ONECUT2: variants seen among roughly 807,000 people sequenced by gnomAD.
ONECUT2 encodes one cut domain family member 2.
Under a neutral mutation model 27.9 loss-of-function variants are expected in ONECUT2, and 10 were observed. The ratio of observed to expected loss-of-function variants is 0.36; its 90% CI spans 0.22 to 0.61. The LOEUF (loss-of-function observed/expected upper bound fraction) is 0.61. ONECUT2 is among the 20% of genes least tolerant of loss of function. The pLI, the probability that ONECUT2 is intolerant of heterozygous loss-of-function variation, is 0.73. For missense variants in ONECUT2, 686 were observed against 721.0 expected (o/e 0.95, Z 0.56); for synonymous variants, 334 against 315.1 (o/e 1.06, Z -0.64).
chr18:57,436,987 G>A lies in ONECUT2; in HGVS notation c.1228+43G>A. The A allele has an allele frequency of 6.6e-7, 1 of 1,524,610 alleles. No homozygotes were observed. 94.4% of individuals were successfully genotyped at this position (1,524,610 alleles called of 1,614,324 possible). Reference sequence around the variant, plus strand: ...CAGGGGCCAGGCTGCTGGGAAGAGGGCTCCGGGTCCGGTGCTTGTGGCCCA... The same window carrying A: ...CAGGGGCCAGGCTGCTGGGAAGAGGACTCCGGGTCCGGTGCTTGTGGCCCA... On this transcript the variant is annotated intron_variant, in intron 1 of 1. Transcript: ENST00000491143. The surrounding 1 kb of genome is among the most constrained non-coding windows in gnomAD (Gnocchi z 5.9).
At chr18:57,438,149 C>T (rs2050153778) in intron 1 of ONECUT2, among the ~76,000 whole-genome samples, 1 of 152,248 alleles carries the variant, frequency 6.6e-6, no homozygotes, top group South Asian at 2.1e-4. Context: ...CACGCAGTTG[C>T]GCGCTTTTGT....
chr18:57,490,347 ATG>A lies in ONECUT2; in HGVS notation c.*13628_*13629del, dbSNP rs1359016217. The A allele has an allele frequency of 2.6e-5, 4 of 152,144 alleles. No homozygotes were observed. Among genetic ancestry groups the A allele is most frequent in the African/African-American group, 9.7e-5 (4 of 41,430 alleles). The allele number at this position is 152,144 out of a possible 1,614,324, so 9.4% of individuals were successfully genotyped here. A position where few individuals can be genotyped will look rare whatever the true frequency, so the allele number is the denominator to read the frequency against. ...TTCTCACTTTAGACCCTGGCCTCAG[ATG>A]TGTTTATTCTTGCTATTTAAAAATA... On this transcript the variant is annotated 3_prime_UTR_variant, in exon 2 of 2. Coordinates refer to ENST00000491143, the MANE Select transcript of ONECUT2 (RefSeq NM_004852.3).
In ONECUT2 at chr18:57,448,392, C is replaced by T. The variant is rs550830645; in HGVS notation, c.1228+11448C>T. ...TTGTGTAAAAGGAGGGAAAATCCAT[C>T]CCAAAACAAAACAAACCTGGTAGAG... On this transcript the variant is annotated intron_variant, in intron 1 of 1. Transcript: ENST00000491143. 7.2e-5 allele frequency among the ~76,000 whole-genome samples: 11 copies of T among 152,212 alleles called. No homozygotes were observed. The South Asian group carries it at 2.3e-3, about 32-fold the overall frequency.
At chr18:57,464,755 A>C (rs2050311538) in intron 1 of ONECUT2, among the ~76,000 whole-genome samples, 1 of 152,224 alleles carries the variant, frequency 6.6e-6, no homozygotes, top group South Asian at 2.1e-4. Context: ...GGTGCTCTTC[A>C]TTCATGTAAT....
intron 1 of ONECUT2, among the ~76,000 whole-genome samples, chr18:57,446,340 T>A (rs1368279210): frequency 6.6e-6 from 1 of 152,224 alleles, no homozygotes; most frequent in Non-Finnish European, 1.5e-5. Flanking sequence ...TATGTTCTCT[T>A]CATTACTGTG....
chr18:57,454,180 A>C (rs2050246237), intron 1 of ONECUT2, among the ~76,000 whole-genome samples: 1 of 152,196 alleles, frequency 6.6e-6, no homozygotes, highest in Non-Finnish European at 1.5e-5. Flanking sequence ...TCTAAATAAC[A>C]ATAGGTACAT....
intron 1 of ONECUT2, among the ~76,000 whole-genome samples, chr18:57,463,307 T>G (rs2050303266): frequency 6.6e-6 from 1 of 152,350 alleles, no homozygotes; most frequent in Admixed American, 6.5e-5. Flanking sequence ...TTGTATGTCC[T>G]TGCTGCAGTA....
chr18:57,444,280 T>C (rs2050190430), intron 1 of ONECUT2: 1 of 449,396 alleles, frequency 2.2e-6, no homozygotes, highest in African/African-American at 2.0e-5. Flanking sequence ...GGAAACTAGG[T>C]TGACTGGCTC....
At chr18:57,456,348 AG>A (rs2050259472) in intron 1 of ONECUT2, among the ~76,000 whole-genome samples, 1 of 152,226 alleles carries the variant, frequency 6.6e-6, no homozygotes, top group Non-Finnish European at 1.5e-5. Context: ...CAGTTCATCA[AG>A]AGGTGAATGG....
chr18:57,461,018 T>C (rs1472241046), intron 1 of ONECUT2, among the ~76,000 whole-genome samples: 1 of 152,220 alleles, frequency 6.6e-6, no homozygotes. Context: ...CAAGTAAAAA[T>C]AAGTTTTAGT....
chr18:57,449,494 G>A (rs1213337033), intron 1 of ONECUT2, among the ~76,000 whole-genome samples: 2 of 152,084 alleles, frequency 1.3e-5, no homozygotes, highest in African/African-American at 2.4e-5. Context: ...CCCAAATTAC[G>A]ATATTATAAC....
intron 1 of ONECUT2, among the ~76,000 whole-genome samples, chr18:57,440,300 A>G (rs367910794): frequency 4.7e-4 from 71 of 152,312 alleles, no homozygotes; most frequent in East Asian, 3.9e-3. Context: ...CCTCTAAACC[A>G]AGCACAAACA....
chr18:57,478,979 G>A lies in ONECUT2; in HGVS notation c.*2256G>A, dbSNP rs1256620870. ...TCTCAAAAGTTTCCATGGACTCCAA[G>A]TTTAAGATGTTGGGATATTGAACAG... On this transcript the variant is annotated 3_prime_UTR_variant, in exon 2 of 2. Coordinates refer to ENST00000491143, the MANE Select transcript of ONECUT2 (RefSeq NM_004852.3). The A allele has an allele frequency of 6.6e-6, 1 of 152,602 alleles. No individual in the cohort carries two copies. Among genetic ancestry groups the A allele is most frequent in the African/African-American group, 2.4e-5 (1 of 41,448 alleles). The allele number at this position is 152,602 out of a possible 1,614,324, so 9.5% of individuals were successfully genotyped here.
In ONECUT2 at chr18:57,436,024, G is replaced by T; in HGVS notation, c.308G>T (p.Arg103Leu). 2.6e-6 allele frequency: 4 copies of T among 1,545,394 alleles called. No individual in the cohort carries two copies. Among genetic ancestry groups the T allele is most frequent in the Non-Finnish European group, 3.5e-6 (4 of 1,151,562 alleles). ...GCAGCGGCGGCAGCGGCGGCGTCGCGCTCGGCCATGGTCACCAGCATGGCC... is the reference window on the plus strand; with the variant it reads ...GCAGCGGCGGCAGCGGCGGCGTCGCTCTCGGCCATGGTCACCAGCATGGCC... ...TAAAAAAAAS[R>L]SAMVTSMASI... Residue 103 changes from arginine to leucine, a missense_variant, in exon 1 of 2, where the codon CGC (arginine) becomes CTC (leucine). Arg to Leu is a moderately radical substitution (Grantham distance 102). Around this residue, in one of 4 missense-constraint regions of ONECUT2, gnomAD observed 511 missense variants for 488.1 expected, o/e 1.05. Transcript: ENST00000491143. The surrounding 1 kb of genome is among the most constrained non-coding windows in gnomAD (Gnocchi z 5.9).
chr18:57,465,236 C>T (rs1277742525), intron 1 of ONECUT2, among the ~76,000 whole-genome samples: 1 of 152,144 alleles, frequency 6.6e-6, no homozygotes, highest in East Asian at 1.9e-4. Flanking sequence ...GATTGTGGCT[C>T]ACCACAGTCT....
intron 1 of ONECUT2, among the ~76,000 whole-genome samples, chr18:57,448,846 A>G (rs1335615730): frequency 1.3e-5 from 2 of 152,248 alleles, no homozygotes; most frequent in Non-Finnish European, 2.9e-5. Flanking sequence ...TTGACCCTAA[A>G]TACTGAAAAG....
rs2050436571 is a variant in ONECUT2 at position 57,486,118 on chromosome 18, A to T, written c.*9395A>T. 1 of 152,710 alleles carries T rather than the reference A, an allele frequency of 6.5e-6. No homozygotes were observed. Among genetic ancestry groups the T allele is most frequent in the South Asian group, 2.1e-4 (1 of 4,816 alleles). 9.5% of individuals were successfully genotyped at this position (152,710 alleles called of 1,614,324 possible). ...GAGCGATGGCAGCCTGAACACAGAAAACATCCCCACTTGGCAGACCTCTCC... is the reference window on the plus strand; with the variant it reads ...GAGCGATGGCAGCCTGAACACAGAATACATCCCCACTTGGCAGACCTCTCC... On this transcript the variant is annotated 3_prime_UTR_variant, in exon 2 of 2. Coordinates refer to ENST00000491143, the MANE Select transcript of ONECUT2 (RefSeq NM_004852.3).
At chr18:57,444,514 G>A (rs1189001598) in intron 1 of ONECUT2, 6 of 450,498 alleles carry the variant, frequency 1.3e-5, no homozygotes, top group Non-Finnish European at 2.7e-5. Flanking sequence ...TGAGCATGAA[G>A]CTGTGCCCTA....
intron 1 of ONECUT2, among the ~76,000 whole-genome samples, chr18:57,460,572 C>G (rs2122128969): frequency 6.6e-6 from 1 of 152,020 alleles, no homozygotes; most frequent in African/African-American, 2.4e-5. Flanking sequence ...TCTACATCTT[C>G]TTAGCCTTCC....
Sources: allele counts gnomAD v4.1 joint callset (sites outside exome capture counted in the v4.1 genomes callset), GRCh38; gene constraint gnomAD v4.1.1; regional missense constraint gnomAD v4.1.1; non-coding constraint Gnocchi (gnomAD v3.1); transcripts MANE v1.5; gene names NCBI Gene and HGNC (gene_info 2026-07-23, HGNC 2026-07-21).